Variants in ZDHHC14 observed in about 807,000 individuals in gnomAD.
ZDHHC14 encodes the protein palmitoyltransferase ZDHHC14.
In ZDHHC14, 16 loss-of-function variants were observed where a neutral mutation model predicts 47.7. The ratio of observed to expected loss-of-function variants is 0.34; its 90% confidence interval spans 0.23 to 0.51. The LOEUF is 0.51. Among genes scored for constraint, ZDHHC14 ranks in the 20% least tolerant of loss-of-function variants. The probability of loss-of-function intolerance (pLI) is 0.97; values close to 1 mark genes in which losing one functional copy is unlikely to be tolerated. For missense variants in ZDHHC14, 515 were observed against 662.5 expected (o/e 0.78, Z 2.44); for synonymous variants, 293 against 278.9 (o/e 1.05, Z -0.50).
At chr6:157,559,364 C>T (rs1008629121) in intron 2 of ZDHHC14, among the ~76,000 whole-genome samples, 1 of 152,238 alleles carries the variant, frequency 6.6e-6, no homozygotes, top group Non-Finnish European at 1.5e-5. Flanking sequence ...CGCTCTTCTC[C>T]AGGACAGCTT....
intron 1 of ZDHHC14, among the ~76,000 whole-genome samples, chr6:157,541,843 C>A (rs1395370318): frequency 6.6e-6 from 1 of 152,194 alleles, no homozygotes; most frequent in African/African-American, 2.4e-5. Flanking sequence ...TCATAACAAT[C>A]CCTGCTTCAC....
chr6:157,454,689 A>C (rs1778874455), intron 1 of ZDHHC14, among the ~76,000 whole-genome samples: 1 of 152,116 alleles, frequency 6.6e-6, no homozygotes. Flanking sequence ...TTTAAACATG[A>C]ACTGACACAA....
intron 8 of ZDHHC14, among the ~76,000 whole-genome samples, chr6:157,668,729 T>C (rs866130): frequency 0.75 from 114,355 of 152,038 alleles, 43,815 homozygotes; most frequent in African/African-American, 0.9. Context: ...AAAAATTAAA[T>C]GGCTTAGGCT....
At chr6:157,642,225 C>G (rs546847439) in intron 5 of ZDHHC14, among the ~76,000 whole-genome samples, 1 of 152,332 alleles carries the variant, frequency 6.6e-6, no homozygotes, top group African/African-American at 2.4e-5. Context: ...GATCTCTCAC[C>G]TTTTGTGATC....
intron 1 of ZDHHC14, among the ~76,000 whole-genome samples, chr6:157,433,691 C>T (rs535391455): frequency 1.2e-4 from 18 of 152,324 alleles, no homozygotes; most frequent in African/African-American, 4.3e-4. Flanking sequence ...GCATCAGGAC[C>T]GAGTGTGTGT....
At chr6:157,398,546 T>G (rs979914272) in intron 1 of ZDHHC14, among the ~76,000 whole-genome samples, 2 of 152,210 alleles carry the variant, frequency 1.3e-5, no homozygotes, top group Admixed American at 6.5e-5. Flanking sequence ...GGGATAGTCC[T>G]GTCTCCTCCA....
At chr6:157,607,445 T>C (rs1015162967) in intron 3 of ZDHHC14, among the ~76,000 whole-genome samples, 8 of 152,194 alleles carry the variant, frequency 5.3e-5, no homozygotes, top group African/African-American at 1.9e-4. Flanking sequence ...GCTTCCTCTC[T>C]CTCTTCCTCT....
chr6:157,521,188 A>G (rs748428070), intron 1 of ZDHHC14, among the ~76,000 whole-genome samples: 12 of 152,186 alleles, frequency 7.9e-5, no homozygotes, highest in Non-Finnish European at 1.8e-4. Flanking sequence ...AGGCAGAATC[A>G]GGAGTCCACA....
chr6:157,484,268 T>C lies in ZDHHC14; in HGVS notation c.246-58317T>C, dbSNP rs150978722. Among the ~76,000 whole-genome samples the C allele has an allele frequency of 3.2e-3, 457 of 141,142 alleles. 5 individuals are homozygous for C. The highest frequency in any genetic ancestry group is 0.013 in the East Asian group (61 of 4,818). 92.6% of individuals were successfully genotyped at this position (141,142 alleles called of 152,430 possible). Reference sequence around the variant, plus strand: ...TGACACGAGGTTATTTATATATATATGTATATATACGTATATATATATGTG... The same window carrying C: ...TGACACGAGGTTATTTATATATATACGTATATATACGTATATATATATGTG... On this transcript the variant is annotated intron_variant, in intron 1 of 8. Transcript: ENST00000359775.
intron 3 of ZDHHC14, among the ~76,000 whole-genome samples, chr6:157,615,407 G>A (rs1271049265): frequency 2.0e-5 from 3 of 152,200 alleles, no homozygotes; most frequent in Admixed American, 2.0e-4. Flanking sequence ...GTCTGTAAGC[G>A]CCCCTGTTCT....
At chr6:157,461,785 C>A (rs553505233) in intron 1 of ZDHHC14, among the ~76,000 whole-genome samples, 2 of 152,306 alleles carry the variant, frequency 1.3e-5, no homozygotes, top group South Asian at 4.2e-4. Context: ...ACGCCAGTTC[C>A]TGCACTTCCC....
At chr6:157,453,725 C>T (rs1009788079) in intron 1 of ZDHHC14, among the ~76,000 whole-genome samples, 2 of 151,740 alleles carry the variant, frequency 1.3e-5, no homozygotes, top group African/African-American at 4.9e-5. Flanking sequence ...AGATGGGTGA[C>T]TACCTGGTCC....
At chr6:157,667,422 G>C (rs760174172) in intron 8 of ZDHHC14, among the ~76,000 whole-genome samples, 34 of 152,048 alleles carry the variant, frequency 2.2e-4, no homozygotes, top group Non-Finnish European at 3.8e-4. Context: ...GGAGGGAAAA[G>C]GGTTCAAAGT....
intron 1 of ZDHHC14, among the ~76,000 whole-genome samples, chr6:157,466,781 A>G (rs985009158): frequency 7.2e-5 from 11 of 151,766 alleles, no homozygotes; most frequent in Non-Finnish European, 1.6e-4. Flanking sequence ...AAAGCTCGTG[A>G]GCCGAGATCA....
At chr6:157,634,955 A>T (rs1350380042) in intron 5 of ZDHHC14, among the ~76,000 whole-genome samples, 1 of 151,222 alleles carries the variant, frequency 6.6e-6, no homozygotes, top group African/African-American at 2.4e-5. Context: ...TGGAGCATAG[A>T]GGGGCTGTGT....
At chr6:157,545,914 T>G (rs1292566144) in intron 2 of ZDHHC14, among the ~76,000 whole-genome samples, 1 of 152,240 alleles carries the variant, frequency 6.6e-6, no homozygotes, top group Non-Finnish European at 1.5e-5. Context: ...GAGGTTCTTT[T>G]CAGGATTAGC....
intron 2 of ZDHHC14, among the ~76,000 whole-genome samples, chr6:157,550,686 CTT>C (rs1684794779): frequency 6.6e-6 from 1 of 152,226 alleles, no homozygotes; most frequent in Non-Finnish European, 1.5e-5. Flanking sequence ...GAATGTCCCT[CTT>C]TGTGTAGTTT....
intron 1 of ZDHHC14, among the ~76,000 whole-genome samples, chr6:157,415,008 G>A (rs1450245647): frequency 6.6e-6 from 1 of 151,992 alleles, no homozygotes; most frequent in Non-Finnish European, 1.5e-5. Flanking sequence ...CTCTTATGAG[G>A]ATTCAAGGAC....
At chr6:157,459,373 A>T (rs949814016) in intron 1 of ZDHHC14, among the ~76,000 whole-genome samples, 2 of 152,182 alleles carry the variant, frequency 1.3e-5, no homozygotes, top group Admixed American at 6.5e-5. Flanking sequence ...AATGTTTTCC[A>T]TAGGGTGAGG....
Sources: gnomAD v4.1 joint callset for allele counts (sites outside exome capture counted in the v4.1 genomes callset) on GRCh38, gnomAD v4.1.1 for gene constraint, MANE v1.5 for transcripts, NCBI Gene and HGNC (gene_info 2026-07-23, HGNC 2026-07-21) for gene names.